The following PACS2 variants were observed in gnomAD, a reference collection of about 807,000 sequenced individuals.
PACS2 encodes the protein phosphofurin acidic cluster sorting protein 2.
Under a neutral mutation model 113.0 loss-of-function variants are expected in PACS2, and 36 were observed. The ratio of observed to expected loss-of-function variants is 0.32; its 90% CI spans 0.24 to 0.42. The LOEUF is 0.42. PACS2 is among the 10% of genes least tolerant of loss of function. The pLI is 1.00. For missense variants in PACS2, 1,015 were observed against 1,239.5 expected (o/e 0.82, Z 2.72); for synonymous variants, 589 against 536.1 (o/e 1.10, Z -1.36).
upstream of PACS2, among the ~76,000 whole-genome samples, chr14:105,312,924 T>C (rs2058384469): frequency 6.6e-6 from 1 of 152,196 alleles, no homozygotes; most frequent in African/African-American, 2.4e-5. Context: ...ACAGACTGTG[T>C]GGGTCATATC....
At chr14:105,385,228 G>A (rs782387364) in intron 18 of PACS2, among the ~76,000 whole-genome samples, 25 of 152,326 alleles carry the variant, frequency 1.6e-4, no homozygotes, top group South Asian at 2.1e-4. Flanking sequence ...TTGAAACCCC[G>A]CGTGATAAGA....
chr14:105,393,991 T>C (rs1370112368), intron 24 of PACS2, among the ~76,000 whole-genome samples: 1 of 147,826 alleles, frequency 6.8e-6, no homozygotes, highest in African/African-American at 2.6e-5. Context: ...TGAGCCGAGA[T>C]TGCGCCACTG....
At chr14:105,308,486 T>TTC (rs1417424306) in intron 1 of PACS2, among the ~76,000 whole-genome samples, 1 of 149,614 alleles carries the variant, frequency 6.7e-6, no homozygotes, top group African/African-American at 2.5e-5. Flanking sequence ...TCTGTCTTTT[T>TTC]TTTTTTTTTT....
chr14:105,315,020 C>A lies in PACS2; in HGVS notation c.102C>A (p.Ser34Arg). ...LFATWEVDGS[S>R]PSCVPRLCSL... ...CCACCTGGGAGGTGGACGGCTCCAG[C>A]CCCAGCTGCGTGCCCAGGTACGCGC... The change falls in exon 1 of 25, where the codon AGC becomes AGA. Residue 34 changes from serine (S) to arginine (R), a missense_variant. Transcript: ENST00000447393. This position sits in a 1 kb window ranked among gnomAD's most constrained non-coding sequence, Gnocchi z 4.4. 1 of 1,226,114 alleles carries A rather than the reference C, an allele frequency of 8.2e-7. No homozygotes were observed. The highest frequency in any genetic ancestry group is 1.0e-6 in the Non-Finnish European group (1 of 965,282). The allele number at this position is 1,226,114 out of a possible 1,614,324, so 76.0% of individuals were successfully genotyped here.
rs782226492 is a variant in PACS2 at position 105,340,844 on chromosome 14, C to T, written c.120-7649C>T. On this transcript the variant is annotated intron_variant, in intron 1 of 24. Coordinates refer to ENST00000447393, the MANE Select transcript of PACS2 (RefSeq NM_001100913.3). The surrounding 1 kb of genome is among the most constrained non-coding windows in gnomAD (Gnocchi z 4.2). Reference sequence around the variant, plus strand: ...GTCCGTGGTGGCTGCCTGGGACCTGCCCTTGCAGCCAGGGTGAAAGGAGTG... The same window carrying T: ...GTCCGTGGTGGCTGCCTGGGACCTGTCCTTGCAGCCAGGGTGAAAGGAGTG... Among the ~76,000 whole-genome samples, 6 of 152,244 alleles carry T rather than the reference C, an allele frequency of 3.9e-5. No individual in the cohort carries two copies. The highest frequency in any genetic ancestry group is 5.9e-5 in the Non-Finnish European group (4 of 68,038).
chr14:105,327,749 G>T (rs1018410280), intron 1 of PACS2, among the ~76,000 whole-genome samples: 1 of 152,184 alleles, frequency 6.6e-6, no homozygotes, highest in Admixed American at 6.5e-5. Flanking sequence ...ACTGTGGCTC[G>T]AGCGGTTCCC....
chr14:105,306,539 G>C (rs896729937), intron 1 of PACS2, among the ~76,000 whole-genome samples: 5 of 151,866 alleles, frequency 3.3e-5, no homozygotes, highest in Admixed American at 3.3e-4. Context: ...TCCTGACCTC[G>C]TGATCTGCCC....
chr14:105,360,876 T>A (rs2060654996), intron 4 of PACS2, among the ~76,000 whole-genome samples: 1 of 152,162 alleles, frequency 6.6e-6, no homozygotes, highest in Admixed American at 6.5e-5. Flanking sequence ...AGTCCTGTGT[T>A]GTCACTCCGC....
chr14:105,370,233 G>T, intron 8 of PACS2: 1 of 200,022 alleles, frequency 5.0e-6, no homozygotes, highest in South Asian at 1.0e-4. Flanking sequence ...CAGCAAAATT[G>T]AGCAGAAAGT....
chr14:105,358,750 C>G lies in PACS2; in HGVS notation c.423+3573C>G, dbSNP rs1264132915. On this transcript the variant is annotated intron_variant, in intron 4 of 24. Coordinates refer to ENST00000447393, the MANE Select transcript of PACS2 (RefSeq NM_001100913.3). The surrounding 1 kb of genome is among the most constrained non-coding windows in gnomAD (Gnocchi z 4.9). ...GCTGCACATGCCACTGGGGCCAGGT[C>G]CAGCCCAAGGGGACCTGTGAGGGGC... Among the ~76,000 whole-genome samples, 2 of 152,184 alleles carry G rather than the reference C, an allele frequency of 1.3e-5. No homozygotes were observed. Among genetic ancestry groups the G allele is most frequent in the Admixed American group, 6.5e-5 (1 of 15,294 alleles).
chr14:105,369,632 G>T (rs2061076313), intron 7 of PACS2, among the ~76,000 whole-genome samples: 1 of 152,222 alleles, frequency 6.6e-6, no homozygotes, highest in South Asian at 2.1e-4. Context: ...GCCTCCCCGG[G>T]TCCCCCTTGG....
At chr14:105,370,579 T>C (rs1480085462) in intron 8 of PACS2, 4 of 152,080 alleles carry the variant, frequency 2.6e-5, no homozygotes, top group Admixed American at 2.0e-4. Context: ...CTGTGGGTGG[T>C]GGTGTGCACC....
chr14:105,389,458 A>G (rs2081284101), intron 19 of PACS2: 1 of 172,462 alleles, frequency 5.8e-6, no homozygotes, highest in African/African-American at 2.4e-5. Flanking sequence ...GATAGTCTGG[A>G]GAAAACTTCT....
At chr14:105,388,224 C>T (rs992859975) in intron 19 of PACS2, among the ~76,000 whole-genome samples, 2 of 152,112 alleles carry the variant, frequency 1.3e-5, no homozygotes, top group African/African-American at 2.4e-5. Context: ...GGCCAGGAGC[C>T]GTCCAGGTTG....
intron 4 of PACS2, among the ~76,000 whole-genome samples, chr14:105,363,773 CG>C (rs1316428937): frequency 2.6e-5 from 4 of 152,156 alleles, no homozygotes; most frequent in Non-Finnish European, 5.9e-5. Context: ...CACCCTGTCT[CG>C]GCTCTGACGT....
intron 3 of PACS2, among the ~76,000 whole-genome samples, chr14:105,353,571 G>T (rs1270139202): frequency 2.6e-5 from 4 of 152,028 alleles, no homozygotes; most frequent in Admixed American, 2.6e-4. Context: ...TGTTTATTAG[G>T]TTGAGTTTTT....
intron 1 of PACS2, among the ~76,000 whole-genome samples, chr14:105,318,814 A>G (rs2058768763): frequency 6.6e-6 from 1 of 151,498 alleles, no homozygotes; most frequent in South Asian, 2.1e-4. Context: ...GCCCGCCACC[A>G]CGCCCGGCTA....
chr14:105,380,933 T>C (rs1555411806), intron 11 of PACS2, 24 bp from the exon 12 acceptor site: 1 of 1,598,124 alleles, frequency 6.3e-7, no homozygotes, highest in Non-Finnish European at 8.5e-7. Context: ...CACGGGAGGC[T>C]CCAGGCCCGT....
chr14:105,360,939 C>A (rs587690579), intron 4 of PACS2, among the ~76,000 whole-genome samples: 2 of 152,282 alleles, frequency 1.3e-5, no homozygotes, highest in African/African-American at 4.8e-5. Context: ...AAACCACTTT[C>A]GTTGCTCATC....
Sources: allele counts gnomAD v4.1 joint callset (sites outside exome capture counted in the v4.1 genomes callset), GRCh38; gene constraint gnomAD v4.1.1; non-coding constraint Gnocchi (gnomAD v3.1); transcripts MANE v1.5; gene names NCBI Gene and HGNC (gene_info 2026-07-23, HGNC 2026-07-21).